Variants in SLC8A1 observed in about 807,000 individuals in gnomAD.
SLC8A1 encodes the protein solute carrier family 8 member A1, also known as sodium/calcium exchanger 1.
Under a neutral mutation model 68.3 loss-of-function variants are expected in SLC8A1, and 18 were observed. That is an observed-to-expected ratio of 0.26 (90% CI 0.18 to 0.39). SLC8A1 has a LOEUF of 0.39. Among genes scored for constraint, SLC8A1 ranks in the 10% least tolerant of loss-of-function variants. SLC8A1 has a pLI of 1.00. For synonymous variants in SLC8A1, 475 were observed against 415.5 expected (o/e 1.14, Z -1.74); for missense variants, 985 against 1,156.7 (o/e 0.85, Z 2.15).
chr2:40,382,084 A>G (rs1250439747), intron 2 of SLC8A1, among the ~76,000 whole-genome samples: 2 of 151,868 alleles, frequency 1.3e-5, no homozygotes, highest in Non-Finnish European at 2.9e-5. Flanking sequence ...CCTAACCAGA[A>G]CCCCTGGCAT....
At chr2:40,328,972 CA>C (rs2076129788) in intron 2 of SLC8A1, among the ~76,000 whole-genome samples, 2 of 151,946 alleles carry the variant, frequency 1.3e-5, no homozygotes, top group African/African-American at 4.8e-5. Flanking sequence ...CAGCAAAGCC[CA>C]ATCCAGACAC....
chr2:40,287,695 G>A (rs1458141430), intron 2 of SLC8A1, among the ~76,000 whole-genome samples: 2 of 151,382 alleles, frequency 1.3e-5, no homozygotes, highest in Non-Finnish European at 2.9e-5. Context: ...CTGGAGTGAG[G>A]AACAGGGGAG....
chr2:40,247,977 G>A (rs542013730), intron 2 of SLC8A1, among the ~76,000 whole-genome samples: 9 of 152,204 alleles, frequency 5.9e-5, no homozygotes, highest in South Asian at 2.1e-4. Context: ...TTTTATAAGC[G>A]TGTGTTCCGT....
Position 40,422,428 on chromosome 2 carries a change from A to G in SLC8A1, c.1808+6045T>C, listed in dbSNP as rs529166318. Among the ~76,000 whole-genome samples, 78 of 152,290 alleles carry G rather than the reference A, an allele frequency of 5.1e-4. 1 individual carries two copies. In the South Asian group the frequency reaches 0.013, roughly 25 times the overall value. On this transcript the variant is annotated intron_variant, in intron 2 of 7. Transcript: ENST00000406785. ...TGACAGAGAAGCAAAATAACAGCAA[A>G]TAACCCCTTGTATGTCTTAGACCCT...
At chr2:40,115,682 T>C (rs2035185870) in intron 7 of SLC8A1, 53 bp from the exon 11 acceptor site, 1 of 1,560,840 alleles carries the variant, frequency 6.4e-7, no homozygotes. Flanking sequence ...GAGATGTCTT[T>C]GGAGTGCTGC....
intron 2 of SLC8A1, among the ~76,000 whole-genome samples, chr2:40,202,047 T>G (rs1049209752): frequency 6.6e-6 from 1 of 151,928 alleles, no homozygotes; most frequent in Non-Finnish European, 1.5e-5. Context: ...CACGTGGAGG[T>G]GTGTGCACCC....
chr2:40,109,378 T>G (rs2034421418), exon 8 of SLC8A1: 1 of 152,064 alleles, frequency 6.6e-6, no homozygotes, highest in Non-Finnish European at 1.5e-5. Flanking sequence ...ACCTACATAT[T>G]GATAGAATAA....
intron 1 of SLC8A1, among the ~76,000 whole-genome samples, chr2:40,437,603 G>A (rs369242192): frequency 6.6e-6 from 1 of 152,102 alleles, no homozygotes; most frequent in African/African-American, 2.4e-5. Context: ...GGGAGCCAGG[G>A]AGAATGATAC....
intron 4 of SLC8A1, among the ~76,000 whole-genome samples, chr2:40,165,286 T>C (rs1275180638): frequency 6.6e-6 from 1 of 152,178 alleles, no homozygotes; most frequent in Non-Finnish European, 1.5e-5. Flanking sequence ...TTGTCTATGG[T>C]AAGGGAGTCA....
In SLC8A1 at chr2:40,131,140, T is replaced by G. The variant is rs998338392; in HGVS notation, c.2437+8261A>C. ...TCACTACAACTCTGTGAGATGGATT[T>G]TCATGTTCCTATTATTCTGGCTTAG... On this transcript the variant is annotated intron_variant, in intron 7 of 7. Transcript: ENST00000406785. Among the ~76,000 whole-genome samples the G allele has an allele frequency of 2.6e-5, 4 of 152,180 alleles. No homozygotes were observed. The South Asian group carries it at 8.3e-4, about 32-fold the overall frequency.
intron 2 of SLC8A1, among the ~76,000 whole-genome samples, chr2:40,426,758 C>G (rs1196078485): frequency 1.3e-5 from 2 of 151,868 alleles, no homozygotes; most frequent in Non-Finnish European, 2.9e-5. Flanking sequence ...TGAAATATAC[C>G]TTTAACAACA....
chr2:40,259,985 C>T (rs1365019944), intron 2 of SLC8A1, among the ~76,000 whole-genome samples: 7 of 152,184 alleles, frequency 4.6e-5, no homozygotes, highest in African/African-American at 4.8e-5. Context: ...TTCTATGTCT[C>T]ATCCCTAAGA....
chr2:40,216,313 T>C (rs1416475330), intron 2 of SLC8A1, among the ~76,000 whole-genome samples: 2 of 152,222 alleles, frequency 1.3e-5, no homozygotes, highest in South Asian at 2.1e-4. Context: ...GCTTCATCCA[T>C]GTCCTTGCAA....
chr2:40,508,393 G>A (rs1706502468), intron 1 of SLC8A1, among the ~76,000 whole-genome samples: 1 of 150,628 alleles, frequency 6.6e-6, no homozygotes. Flanking sequence ...TCCTTTTTTA[G>A]AATAAATTTG....
intron 2 of SLC8A1, among the ~76,000 whole-genome samples, chr2:40,327,760 A>AGG (rs2075995702): frequency 6.6e-6 from 1 of 152,126 alleles, no homozygotes; most frequent in South Asian, 2.1e-4. Flanking sequence ...CTCCAAAAGG[A>AGG]GGGAGGGAGA....
In SLC8A1 at chr2:40,264,229, G is replaced by C. The variant is rs1230365777; in HGVS notation, c.1809-86374C>G. Among the ~76,000 whole-genome samples the C allele has an allele frequency of 2.6e-5, 4 of 151,066 alleles. No homozygotes were observed. The South Asian group carries it at 8.4e-4, about 32-fold the overall frequency. On this transcript the variant is annotated intron_variant, in intron 2 of 7. Coordinates refer to ENST00000406785, the Ensembl canonical transcript of SLC8A1. ...GTGCTGGAGAGGATGTGGAGAAATA[G>C]GAACACTTTTACACTGTTGGTGGGA...
At chr2:40,137,138 A>G (rs908528929) in intron 7 of SLC8A1, among the ~76,000 whole-genome samples, 2 of 152,194 alleles carry the variant, frequency 1.3e-5, no homozygotes, top group African/African-American at 4.8e-5. Context: ...TCCATAATTC[A>G]TATTATAGGG....
intron 2 of SLC8A1, among the ~76,000 whole-genome samples, chr2:40,273,406 A>G (rs1434314954): frequency 2.0e-5 from 3 of 152,080 alleles, no homozygotes; most frequent in East Asian, 3.9e-4. Flanking sequence ...AATACTCTTA[A>G]TAAACTTTAA....
rs75417794 is a variant in SLC8A1 at position 40,481,841 on chromosome 2, T to C, written c.-25+30508A>G. 7.5e-3 allele frequency among the ~76,000 whole-genome samples: 1,135 copies of C among 152,330 alleles called. 19 individuals carry two copies. Among genetic ancestry groups the C allele is most frequent in the South Asian group, 0.064 (309 of 4,830 alleles). ...CTTTCCCTGGACAAATTCTGCAAAATGAAGTTAGGTTTCCAATTCTTCTAT... is the reference window on the plus strand; with the variant it reads ...CTTTCCCTGGACAAATTCTGCAAAACGAAGTTAGGTTTCCAATTCTTCTAT... On this transcript the variant is annotated intron_variant, in intron 1 of 7. Transcript: ENST00000402441.
Sources: gnomAD v4.1 joint callset for allele counts (sites outside exome capture counted in the v4.1 genomes callset) on GRCh38, gnomAD v4.1.1 for gene constraint, MANE v1.5 for transcripts, NCBI Gene and HGNC (gene_info 2026-07-23, HGNC 2026-07-21) for gene names.